Variants in FRMD3 observed in about 807,000 individuals in gnomAD.
FRMD3 encodes the protein FERM domain-containing protein 3.
FRMD3 carries 33 observed loss-of-function variants against 70.2 expected under a neutral mutation model. The observed-to-expected ratio is 0.47, with a 90% CI of 0.36 to 0.63. The LOEUF is 0.63. Among genes scored for constraint, FRMD3 ranks in the 20% least tolerant of loss-of-function variants. The probability of loss-of-function intolerance (pLI) is 0.00; values close to 1 mark genes in which losing one functional copy is unlikely to be tolerated. For synonymous variants in FRMD3, 279 were observed against 255.9 expected, an observed-to-expected ratio of 1.09 and a Z score of -0.86; for missense variants, 632 against 711.4, an observed-to-expected ratio of 0.89 and a Z score of 1.27.
At chr9:83,518,220 G>T (rs527509274) in intron 1 of FRMD3, among the ~76,000 whole-genome samples, 182 of 152,284 alleles carry the variant, frequency 1.2e-3, no homozygotes, top group African/African-American at 4.2e-3. Flanking sequence ...CAGATGACAT[G>T]ATTGTATATT....
At chr9:83,545,234 T>C in the FRMD3 span, among the ~76,000 whole-genome samples, 2 of 151,798 alleles carry the variant, frequency 1.3e-5, no homozygotes, top group Non-Finnish European at 2.9e-5. Flanking sequence ...AATTACAAAA[T>C]ACAGTTGAAA....
intron 6 of FRMD3, among the ~76,000 whole-genome samples, chr9:83,327,292 C>T (rs926958935): frequency 6.6e-6 from 1 of 152,166 alleles, no homozygotes; most frequent in Non-Finnish European, 1.5e-5. Flanking sequence ...TTAGATTTAG[C>T]TTTGTTGGAA....
chr9:83,367,493 A>T (rs1406990183), intron 3 of FRMD3, among the ~76,000 whole-genome samples: 1 of 152,188 alleles, frequency 6.6e-6, no homozygotes, highest in African/African-American at 2.4e-5. Flanking sequence ...GGAAAAGAAG[A>T]TGAGAATGCA....
intron 1 of FRMD3, among the ~76,000 whole-genome samples, chr9:83,488,683 A>T (rs1249733716): frequency 6.6e-6 from 1 of 152,216 alleles, no homozygotes; most frequent in East Asian, 1.9e-4. Context: ...TACCCACTCA[A>T]TGGTGAGGTT....
At chr9:83,425,926 A>AAC (rs1333424051) in intron 1 of FRMD3, among the ~76,000 whole-genome samples, 1 of 151,236 alleles carries the variant, frequency 6.6e-6, no homozygotes, top group African/African-American at 2.4e-5. Context: ...AAAAAAAAAA[A>AAC]AACAACCTTC....
chr9:83,511,635 A>G (rs1412596261), intron 1 of FRMD3, among the ~76,000 whole-genome samples: 1 of 152,264 alleles, frequency 6.6e-6, no homozygotes, highest in Admixed American at 6.5e-5. Flanking sequence ...ATTCATTAAC[A>G]GAAAATAAAT....
At chr9:83,248,610 T>A (rs1187104412) in intron 13 of FRMD3, 94 bp from the exon 14 acceptor site, 4 of 1,278,424 alleles carry the variant, frequency 3.1e-6, no homozygotes, top group Non-Finnish European at 4.2e-6. Context: ...ACTAATGGGA[T>A]TCAAGCAATC....
At chr9:83,549,299 A>T in the FRMD3 span, among the ~76,000 whole-genome samples, 2 of 151,992 alleles carry the variant, frequency 1.3e-5, no homozygotes, top group African/African-American at 2.4e-5. Flanking sequence ...CTTTTTTATG[A>T]CTGCATAATA....
At chr9:83,579,471 T>G in the FRMD3 span, among the ~76,000 whole-genome samples, 1 of 151,926 alleles carries the variant, frequency 6.6e-6, no homozygotes, top group South Asian at 2.1e-4. Context: ...AGACTGTAAA[T>G]AAACCCACAC....
chr9:83,515,904 C>T (rs1476185151), intron 1 of FRMD3, among the ~76,000 whole-genome samples: 3 of 152,168 alleles, frequency 2.0e-5, no homozygotes, highest in Non-Finnish European at 4.4e-5. Flanking sequence ...AAATCCTTTA[C>T]AGGCAAGCAA....
chr9:83,398,384 A>T (rs571895818), intron 1 of FRMD3, among the ~76,000 whole-genome samples: 1 of 152,230 alleles, frequency 6.6e-6, no homozygotes, highest in Non-Finnish European at 1.5e-5. Context: ...TATTAAAGCT[A>T]TTTAAATGGG....
intron 1 of FRMD3, among the ~76,000 whole-genome samples, chr9:83,498,614 C>A (rs1828994634): frequency 6.6e-6 from 1 of 152,134 alleles, no homozygotes; most frequent in Admixed American, 6.5e-5. Flanking sequence ...GTTCAAGAGA[C>A]AAGTGTGACT....
intron 1 of FRMD3, among the ~76,000 whole-genome samples, chr9:83,460,496 C>T (rs4014024): frequency 0.53 from 80,390 of 151,944 alleles, 21,551 homozygotes; most frequent in African/African-American, 0.61. Flanking sequence ...CCCATAGGTC[C>T]CAAGCAGTTA....
At chr9:83,580,815 G>A in the FRMD3 span, among the ~76,000 whole-genome samples, 2 of 152,066 alleles carry the variant, frequency 1.3e-5, no homozygotes, top group African/African-American at 4.8e-5. Context: ...TAACTAGTTT[G>A]ATTTAATCAT....
At chr9:83,300,313 A>G (rs10867981) in intron 10 of FRMD3, among the ~76,000 whole-genome samples, 73,903 of 152,078 alleles carry the variant, frequency 0.49, 20,463 homozygotes, top group East Asian at 0.64. Context: ...CCAGAGGCTG[A>G]AAGGTGTTAA....
chr9:83,402,318 G>A (rs1266790909), intron 1 of FRMD3, among the ~76,000 whole-genome samples: 1 of 149,062 alleles, frequency 6.7e-6, no homozygotes, highest in Non-Finnish European at 1.5e-5. Context: ...AACAGTCAAG[G>A]AAAACAAACT....
chr9:83,243,399 G>A (rs913896238), downstream of FRMD3, among the ~76,000 whole-genome samples: 1 of 152,206 alleles, frequency 6.6e-6, no homozygotes, highest in African/African-American at 2.4e-5. Flanking sequence ...ACTCTCCCCA[G>A]TACTTTTTCT....
chr9:83,443,291 C>T (rs993789375), intron 1 of FRMD3, among the ~76,000 whole-genome samples: 13 of 152,164 alleles, frequency 8.5e-5, no homozygotes, highest in Admixed American at 2.0e-4. Flanking sequence ...CCCTCCCCTA[C>T]GCCCCCACTC....
chr9:83,379,129 C>T (rs750133019), intron 2 of FRMD3, among the ~76,000 whole-genome samples: 2 of 151,940 alleles, frequency 1.3e-5, no homozygotes, highest in Non-Finnish European at 2.9e-5. Context: ...CAGCTGTTAG[C>T]CCTTTGCCTC....
Sources: gnomAD v4.1 joint callset for allele counts (sites outside exome capture counted in the v4.1 genomes callset) on GRCh38, gnomAD v4.1.1 for gene constraint, MANE v1.5 for transcripts, NCBI Gene and HGNC (gene_info 2026-07-23, HGNC 2026-07-21) for gene names.